Variants in FAM107A observed in about 807,000 individuals in gnomAD.
The protein encoded by FAM107A is actin-associated protein FAM107A.
A neutral mutation model predicts 13.7 loss-of-function variants in FAM107A; 19 were observed. That is an observed-to-expected ratio of 1.38 (90% CI 0.97 to 2.03). The LOEUF (loss-of-function observed/expected upper bound fraction) is 2.03, where lower values mean the gene tolerates loss of function less well. Ranked by LOEUF, FAM107A falls within the 30% of genes most tolerant of loss-of-function variation. FAM107A has a pLI of 0.00. For synonymous variants in FAM107A, 82 were observed against 74.5 expected (o/e 1.10, Z -0.52); for missense variants, 203 against 184.4 (o/e 1.10, Z -0.58).
At position 58,565,663 on chromosome 3, in the gene FAM107A, C is replaced by T. The variant is rs1051083648; in HGVS notation, c.*925G>A. 6.6e-6 allele frequency: 1 copy of T among 151,754 alleles called. No individual in the cohort carries two copies. The highest frequency in any genetic ancestry group is 2.4e-5 in the African/African-American group (1 of 41,304). The allele number at this position is 151,754 out of a possible 1,614,324, so 9.4% of individuals were successfully genotyped here. ...GGTTGCAGAAGTGGGGTGGGAATCC[C>T]TGGGGCATCAGTCCACAGGAGGTGG... is the stretch of plus-strand genomic sequence containing the variant. On this transcript the variant is annotated 3_prime_UTR_variant, in exon 4 of 4. Transcript: ENST00000360997.
intron 1 of FAM107A, among the ~76,000 whole-genome samples, chr3:58,570,945 C>G (rs1364183505): frequency 4.6e-5 from 7 of 152,238 alleles, no homozygotes; most frequent in African/African-American, 1.7e-4. Context: ...AGTGTGTCCC[C>G]ATTTCAAACA....
chr3:58,593,605 C>G (rs1353877774), intron 1 of FAM107A, among the ~76,000 whole-genome samples: 1 of 151,664 alleles, frequency 6.6e-6, no homozygotes, highest in Non-Finnish European at 1.5e-5. Context: ...TTTCTACTCA[C>G]TCTTATCCTT....
At chr3:58,590,886 G>A (rs1439010438), upstream of FAM107A, among the ~76,000 whole-genome samples, 7 of 152,306 alleles carry the variant, frequency 4.6e-5, no homozygotes, top group South Asian at 2.1e-4. Context: ...AGCTTTTAAA[G>A]CGTAACTCAG....
At chr3:58,574,071 G>C (rs1278200618) in intron 1 of FAM107A, 1 of 152,228 alleles carries the variant, frequency 6.6e-6, no homozygotes, top group Non-Finnish European at 1.5e-5. Flanking sequence ...GGCTGGTTGG[G>C]TACCTCACAG....
At chr3:58,623,408 T>C (rs557509984) in intron 1 of FAM107A, among the ~76,000 whole-genome samples, 1 of 152,330 alleles carries the variant, frequency 6.6e-6, no homozygotes, top group East Asian at 1.9e-4. Flanking sequence ...TCCAGGGGGC[T>C]ATGCTGCCGC....
chr3:58,610,127 A>G (rs1364977837), intron 1 of FAM107A, among the ~76,000 whole-genome samples: 1 of 152,210 alleles, frequency 6.6e-6, no homozygotes, highest in Non-Finnish European at 1.5e-5. Context: ...AACAGCACCA[A>G]TGACAACCAC....
chr3:58,571,436 T>G (rs2063682730), intron 1 of FAM107A, among the ~76,000 whole-genome samples: 1 of 128,096 alleles, frequency 7.8e-6, no homozygotes, highest in African/African-American at 2.4e-5. Context: ...ATGAGAATTC[T>G]TATTAACTTC....
chr3:58,605,090 G>C (rs1356290238), intron 1 of FAM107A, among the ~76,000 whole-genome samples: 1 of 152,174 alleles, frequency 6.6e-6, no homozygotes, highest in Non-Finnish European at 1.5e-5. Flanking sequence ...GGGTCTTGAA[G>C]GATTTGGTTT....
At chr3:58,568,964 C>T (rs965248927) in intron 2 of FAM107A, among the ~76,000 whole-genome samples, 1 of 152,168 alleles carries the variant, frequency 6.6e-6, no homozygotes, top group African/African-American at 2.4e-5. Context: ...AGCCAGCCAC[C>T]ATCCTGGGCC....
intron 1 of FAM107A, among the ~76,000 whole-genome samples, chr3:58,614,668 C>T (rs1395951342): frequency 6.6e-6 from 1 of 151,936 alleles, no homozygotes; most frequent in Non-Finnish European, 1.5e-5. Flanking sequence ...CCATGCCTGG[C>T]TAATTTTTGT....
At chr3:58,625,163 G>A (rs996218824) in intron 1 of FAM107A, among the ~76,000 whole-genome samples, 2 of 152,036 alleles carry the variant, frequency 1.3e-5, no homozygotes, top group East Asian at 1.9e-4. Context: ...GTGACTGAAC[G>A]GACCCCCTCT....
chr3:58,591,551 G>A (rs2065654631), upstream of FAM107A, among the ~76,000 whole-genome samples: 1 of 152,130 alleles, frequency 6.6e-6, no homozygotes, highest in Non-Finnish European at 1.5e-5. The surrounding 1 kb of genome is among the most constrained non-coding windows in gnomAD (Gnocchi z 4.3). Context: ...TTCCCTGAAA[G>A]CCATGGCTTC....
At chr3:58,602,762 T>C (rs2065763382) in intron 1 of FAM107A, among the ~76,000 whole-genome samples, 1 of 152,238 alleles carries the variant, frequency 6.6e-6, no homozygotes, top group Non-Finnish European at 1.5e-5. Context: ...CAGTCTTACA[T>C]ATCTATATTT....
In FAM107A at chr3:58,569,625, T is replaced by C. The variant is rs2063660382; in HGVS notation, c.170+66A>G. The C allele has an allele frequency of 8.0e-6, 11 of 1,373,310 alleles. No homozygotes were observed. In the East Asian group the frequency reaches 2.3e-4, roughly 29 times the overall value. The allele number at this position is 1,373,310 out of a possible 1,614,324, so 85.1% of individuals were successfully genotyped here. ...AAGCCAGCTCTGCTTTCCTCCAGGG[T>C]CACCTTCCCCATCCCCCACAGGCCC... On this transcript the variant is annotated intron_variant, in intron 2 of 3. Transcript: ENST00000360997. The surrounding 1 kb of genome is among the most constrained non-coding windows in gnomAD (Gnocchi z 5.7).
At chr3:58,597,918 T>C (rs1303806586) in intron 1 of FAM107A, among the ~76,000 whole-genome samples, 1 of 152,226 alleles carries the variant, frequency 6.6e-6, no homozygotes, top group Non-Finnish European at 1.5e-5. Context: ...GTGTGTGAGA[T>C]GGCAAGAGCC....
intron 1 of FAM107A, among the ~76,000 whole-genome samples, chr3:58,602,041 C>A (rs968472250): frequency 6.6e-6 from 1 of 152,064 alleles, no homozygotes; most frequent in Non-Finnish European, 1.5e-5. Flanking sequence ...GAGGCCAATC[C>A]TGTATGAGGC....
chr3:58,594,908 T>C (rs2065685315), intron 1 of FAM107A, among the ~76,000 whole-genome samples: 1 of 152,216 alleles, frequency 6.6e-6, no homozygotes, highest in Non-Finnish European at 1.5e-5. Flanking sequence ...ACTCTTTAAT[T>C]GGATGTCCTG....
chr3:58,612,210 C>T (rs966092414), intron 1 of FAM107A, among the ~76,000 whole-genome samples: 1 of 152,032 alleles, frequency 6.6e-6, no homozygotes, highest in Non-Finnish European at 1.5e-5. Flanking sequence ...ATGAAAACAA[C>T]CTAAATATCC....
rs117054891 is a variant in FAM107A at position 58,607,350 on chromosome 3, A to T, written c.-69-18081T>A. 3.4e-4 allele frequency among the ~76,000 whole-genome samples: 51 copies of T among 152,002 alleles called. No homozygotes were observed. The East Asian group carries it at 8.3e-3, about 25-fold the overall frequency. On this transcript the variant is annotated intron_variant, in intron 1 of 3. Transcript: ENST00000465970. ...TTTCTCCTGGAGGGTGAGGGTGAGGATGTTGTTGAGGAAAGGGGAGCTGGC... is the reference window on the plus strand; with the variant it reads ...TTTCTCCTGGAGGGTGAGGGTGAGGTTGTTGTTGAGGAAAGGGGAGCTGGC...
Sources: gnomAD v4.1 joint callset for allele counts (sites outside exome capture counted in the v4.1 genomes callset) on GRCh38, gnomAD v4.1.1 for gene constraint, Gnocchi (gnomAD v3.1) non-coding constraint, MANE v1.5 for transcripts, NCBI Gene and HGNC (gene_info 2026-07-23, HGNC 2026-07-21) for gene names.